The following GADL1 variants were observed in gnomAD, a reference collection of about 807,000 sequenced individuals.
GADL1 encodes the protein acidic amino acid decarboxylase GADL1.
A neutral mutation model predicts 69.5 loss-of-function variants in GADL1; 71 were observed. The ratio of observed to expected loss-of-function variants is 1.02; its 90% CI spans 0.84 to 1.25. GADL1 has a LOEUF of 1.25. GADL1 is among the 50% of genes most tolerant of loss of function. GADL1 has a pLI of 0.00. For synonymous variants in GADL1, 254 were observed against 214.4 expected (o/e 1.18, Z -1.62); for missense variants, 737 against 631.8 (o/e 1.17, Z -1.79).
At chr3:30,785,831 T>C (rs1339981754) in intron 13 of GADL1, among the ~76,000 whole-genome samples, 1 of 152,202 alleles carries the variant, frequency 6.6e-6, no homozygotes, top group African/African-American at 2.4e-5. Flanking sequence ...TAAATATTTA[T>C]ATTTTCTAAA....
At chr3:30,892,282 A>T (rs778590829) in intron 1 of GADL1, among the ~76,000 whole-genome samples, 4 of 152,230 alleles carry the variant, frequency 2.6e-5, no homozygotes, top group Non-Finnish European at 4.4e-5. Flanking sequence ...TCTGTAACAG[A>T]TATTCAACAA....
At chr3:30,893,877 A>T (rs1698817934) in intron 1 of GADL1, among the ~76,000 whole-genome samples, 1 of 152,226 alleles carries the variant, frequency 6.6e-6, no homozygotes, top group Non-Finnish European at 1.5e-5. Context: ...ACAATTCAAA[A>T]AAGTTATTGA....
At chr3:30,783,315 G>T (rs1205223301) in intron 13 of GADL1, among the ~76,000 whole-genome samples, 1 of 152,164 alleles carries the variant, frequency 6.6e-6, no homozygotes, top group African/African-American at 2.4e-5. Context: ...ACATCTATTA[G>T]ATCTTAGATC....
At chr3:30,749,067 C>G (rs1433107964) in intron 14 of GADL1, among the ~76,000 whole-genome samples, 1 of 152,108 alleles carries the variant, frequency 6.6e-6, no homozygotes, top group African/African-American at 2.4e-5. Context: ...CTTCATGTAC[C>G]CTAGTCTGAC....
chr3:30,760,021 T>C (rs1021032188), intron 14 of GADL1, among the ~76,000 whole-genome samples: 1 of 152,238 alleles, frequency 6.6e-6, no homozygotes, highest in Non-Finnish European at 1.5e-5. Flanking sequence ...ATCTCCTTTT[T>C]ACCTGCAGAT....
At chr3:30,767,642 T>C (rs1696314330) in intron 14 of GADL1, among the ~76,000 whole-genome samples, 1 of 152,102 alleles carries the variant, frequency 6.6e-6, no homozygotes, top group African/African-American at 2.4e-5. Flanking sequence ...CAGCAGGAGA[T>C]GGAATAGAAT....
chr3:30,763,521 G>C lies in GADL1; in HGVS notation c.1392+14658C>G, dbSNP rs76414196. On this transcript the variant is annotated intron_variant, in intron 14 of 14. Transcript: ENST00000282538. ...CGTCTCGGCGGCGGGGGGTGGGGGT[G>C]GGGGGGAATATTGTAAGTCAAAACT... 1.1e-4 allele frequency among the ~76,000 whole-genome samples: 13 copies of C among 123,086 alleles called. No homozygotes were observed. In the South Asian group the frequency reaches 3.9e-3, roughly 37 times the overall value. 80.7% of individuals were successfully genotyped at this position (123,086 alleles called of 152,430 possible).
At chr3:30,792,072 T>C (rs1470984383) in intron 12 of GADL1, among the ~76,000 whole-genome samples, 1 of 152,118 alleles carries the variant, frequency 6.6e-6, no homozygotes, top group Non-Finnish European at 1.5e-5. Flanking sequence ...ATACACCCAG[T>C]GTAACACTCC....
At position 30,726,575 on chromosome 3, in the gene GADL1, A is replaced by C. The variant is rs1272542158; in HGVS notation, c.*1667T>G. ...ATTTAATATTCTTTGACCAATAGAG[A>C]TACCGAGAAACTGTGCACACTAAAA... is the stretch of plus-strand genomic sequence containing the variant. On this transcript the variant is annotated 3_prime_UTR_variant, in exon 15 of 15. Coordinates refer to ENST00000282538, the MANE Select transcript of GADL1 (RefSeq NM_207359.3). 6.6e-6 allele frequency: 1 copy of C among 152,170 alleles called. No individual in the cohort carries two copies. The highest frequency in any genetic ancestry group is 1.5e-5 in the Non-Finnish European group (1 of 68,026). The allele number at this position is 152,170 out of a possible 1,614,324, so 9.4% of individuals were successfully genotyped here. A position where few individuals can be genotyped will look rare whatever the true frequency, so the allele number is the denominator to read the frequency against.
At position 30,728,022 on chromosome 3, in the gene GADL1, A is replaced by T. The variant is rs9879502; in HGVS notation, c.*220T>A. On this transcript the variant is annotated 3_prime_UTR_variant, in exon 15 of 15. Coordinates refer to ENST00000282538, the MANE Select transcript of GADL1 (RefSeq NM_207359.3). ...TCCAGGGGCATTCCTTGAGAAAATC[A>T]TTTTTTTTTTTAAACTTTCTTCTTT... 0.27 allele frequency: 105,524 copies of T among 390,338 alleles called. 12,914 individuals are homozygous for T. The highest frequency in any genetic ancestry group is 0.31 in the Non-Finnish European group (66,459 of 216,222). 24.2% of individuals were successfully genotyped at this position (390,338 alleles called of 1,614,324 possible). A position where few individuals can be genotyped will look rare whatever the true frequency, so the allele number is the denominator to read the frequency against.
intron 14 of GADL1, among the ~76,000 whole-genome samples, chr3:30,771,880 C>T (rs538794347): frequency 5.6e-5 from 8 of 142,270 alleles, no homozygotes; most frequent in African/African-American, 2.4e-4. Context: ...CACAGGATTG[C>T]TGTTATTTCT....
chr3:30,856,938 T>C (rs1177212574), intron 3 of GADL1, 77 bp downstream of exon 3: 8 of 1,219,614 alleles, frequency 6.6e-6, no homozygotes, highest in African/African-American at 6.1e-5. Flanking sequence ...AGCATTGCTA[T>C]ACTCAGCTTT....
At chr3:30,813,787 C>T (rs542058374) in intron 11 of GADL1, among the ~76,000 whole-genome samples, 1 of 152,230 alleles carries the variant, frequency 6.6e-6, no homozygotes, top group African/African-American at 2.4e-5. Flanking sequence ...TTACTATAAT[C>T]ATGAGCAGTC....
At chr3:30,782,735 T>C (rs1329635646) in intron 13 of GADL1, among the ~76,000 whole-genome samples, 1 of 151,956 alleles carries the variant, frequency 6.6e-6, no homozygotes, top group Non-Finnish European at 1.5e-5. Context: ...TGATGAAAAG[T>C]CCCTTACATG....
intron 14 of GADL1, among the ~76,000 whole-genome samples, chr3:30,759,175 G>A (rs1696058087): frequency 6.6e-6 from 1 of 152,200 alleles, no homozygotes; most frequent in Non-Finnish European, 1.5e-5. Flanking sequence ...TGGAGCAGAA[G>A]CAGCAGCTCC....
intron 4 of GADL1, among the ~76,000 whole-genome samples, chr3:30,853,434 T>A (rs571529780): frequency 6.6e-6 from 1 of 152,298 alleles, no homozygotes; most frequent in Non-Finnish European, 1.5e-5. Context: ...TCAATTACCA[T>A]AATTTCACTG....
chr3:30,751,330 G>A (rs530463340), intron 14 of GADL1, among the ~76,000 whole-genome samples: 39 of 152,152 alleles, frequency 2.6e-4, no homozygotes, highest in African/African-American at 8.4e-4. Context: ...GTGGTAAGGA[G>A]ACTCTTGAGC....
chr3:30,785,564 TAG>T (rs1559499235), intron 13 of GADL1, among the ~76,000 whole-genome samples: 2 of 151,992 alleles, frequency 1.3e-5, no homozygotes, highest in Admixed American at 6.6e-5. Context: ...GTATTTTTAG[TAG>T]AGACAGGGTT....
chr3:30,731,504 T>C (rs1413102563), intron 14 of GADL1, among the ~76,000 whole-genome samples: 1 of 152,206 alleles, frequency 6.6e-6, no homozygotes, highest in Non-Finnish European at 1.5e-5. Flanking sequence ...CCAGAAATAC[T>C]TTCTAACGTG....
Sources: allele counts gnomAD v4.1 joint callset (sites outside exome capture counted in the v4.1 genomes callset), GRCh38; gene constraint gnomAD v4.1.1; transcripts MANE v1.5; gene names NCBI Gene and HGNC (gene_info 2026-07-23, HGNC 2026-07-21).